IER3IP1: variants seen among roughly 807,000 people sequenced by gnomAD.
IER3IP1 encodes immediate early response 3 interacting protein 1, also known as immediate early response 3-interacting protein 1.
Under a neutral mutation model 12.2 loss-of-function variants are expected in IER3IP1, and 16 were observed. The observed-to-expected ratio is 1.31, with a 90% CI of 0.89 to 1.99. The LOEUF (loss-of-function observed/expected upper bound fraction) is 1.99, where lower values mean the gene tolerates loss of function less well. Ranked by LOEUF, IER3IP1 falls within the 30% of genes most tolerant of loss-of-function variation. The pLI, the probability that IER3IP1 is intolerant of heterozygous loss-of-function variation, is 0.00. For synonymous variants in IER3IP1, 42 were observed against 40.0 expected (o/e 1.05, Z -0.19); for missense variants, 95 against 95.8 (o/e 0.99, Z 0.03).
intron 1 of IER3IP1, among the ~76,000 whole-genome samples, chr18:47,169,734 T>C (rs1380561839): frequency 6.6e-6 from 1 of 152,168 alleles, no homozygotes; most frequent in East Asian, 1.9e-4. Context: ...TGCTTATTGA[T>C]CATTTGCTTA....
At chr18:47,160,253 C>T (rs1490202260) in intron 1 of IER3IP1, among the ~76,000 whole-genome samples, 1 of 152,062 alleles carries the variant, frequency 6.6e-6, no homozygotes, top group Admixed American at 6.6e-5. Context: ...TTTGGGTACC[C>T]AGAAATACAT....
rs1017413385 is a variant in IER3IP1, at chr18:47,152,930, A to G, written c.*3247T>C. On this transcript the variant is annotated 3_prime_UTR_variant, in exon 3 of 3. Coordinates refer to ENST00000256433, the MANE Select transcript of IER3IP1 (RefSeq NM_016097.5). ...AGTGATCTGGAAAAGATATATATATATATCTGGACCAGACTTCTGTTCTGA... is the reference window on the plus strand; with the variant it reads ...AGTGATCTGGAAAAGATATATATATGTATCTGGACCAGACTTCTGTTCTGA... The G allele has an allele frequency of 6.6e-6, 1 of 152,238 alleles. No individual in the cohort carries two copies. Among genetic ancestry groups the G allele is most frequent in the Non-Finnish European group, 1.5e-5 (1 of 68,036 alleles). The allele number at this position is 152,238 out of a possible 1,614,324, so 9.4% of individuals were successfully genotyped here.
chr18:47,161,131 GT>G (rs917427094), intron 1 of IER3IP1, among the ~76,000 whole-genome samples: 2 of 152,030 alleles, frequency 1.3e-5, no homozygotes, highest in African/African-American at 4.8e-5. Context: ...GAAGAGAACA[GT>G]TTTTTTAAAT....
At chr18:47,159,053 G>T (rs542500346) in intron 1 of IER3IP1, among the ~76,000 whole-genome samples, 23 of 152,230 alleles carry the variant, frequency 1.5e-4, no homozygotes, top group African/African-American at 4.8e-4. Context: ...CAAAAAAATA[G>T]GCAATGACAG....
Position 47,172,486 on chromosome 18 carries a change from T to C in IER3IP1, c.91+3701A>G, listed in dbSNP as rs1421899836. 6.6e-6 allele frequency among the ~76,000 whole-genome samples: 1 copy of C among 152,138 alleles called. No individual in the cohort carries two copies. The highest frequency in any genetic ancestry group is 1.5e-5 in the Non-Finnish European group (1 of 68,030). ...CTCCCCCTTAATCTTGGAGATACAC[T>C]TCAAGATTCCACAGTAGATGCCTGA... On this transcript the variant is annotated intron_variant, in intron 1 of 2. Coordinates refer to ENST00000256433, the MANE Select transcript of IER3IP1 (RefSeq NM_016097.5). This position sits in a 1 kb window ranked among gnomAD's most constrained non-coding sequence, Gnocchi z 4.0.
At chr18:47,158,466 C>T (rs952254477) in intron 1 of IER3IP1, among the ~76,000 whole-genome samples, 12 of 151,978 alleles carry the variant, frequency 7.9e-5, no homozygotes, top group South Asian at 4.1e-4. Context: ...CTCGGCCTCC[C>T]GAGTAGCTGG....
At position 47,176,280 on chromosome 18, in the gene IER3IP1, C is replaced by A. The variant is rs2064033732; in HGVS notation, c.-3G>T. ...AGTGAGTACAGGGTAAAGGCCATGG[C>A]CGTCCGAGGCCGCCCCGAAGTCCAA... On this transcript the variant is annotated 5_prime_UTR_variant, in exon 1 of 3. Transcript: ENST00000256433. The A allele has an allele frequency of 1.2e-6, 2 of 1,602,292 alleles. No individual in the cohort carries two copies. Among genetic ancestry groups the A allele is most frequent in the African/African-American group, 1.3e-5 (1 of 74,920 alleles).
intron 1 of IER3IP1, among the ~76,000 whole-genome samples, chr18:47,165,498 A>T (rs1206554999): frequency 6.6e-6 from 1 of 150,886 alleles, no homozygotes; most frequent in Non-Finnish European, 1.5e-5. Context: ...GGTTGCAGTG[A>T]GCTGAGATAG....
intron 1 of IER3IP1, among the ~76,000 whole-genome samples, chr18:47,163,805 C>T (rs2063987403): frequency 6.6e-6 from 1 of 152,162 alleles, no homozygotes; most frequent in Non-Finnish European, 1.5e-5. Flanking sequence ...ATTAGGTCTT[C>T]CTCCCCACAA....
At chr18:47,166,204 TATAAGAATA>T (rs1318640033) in intron 1 of IER3IP1, among the ~76,000 whole-genome samples, 1 of 152,220 alleles carries the variant, frequency 6.6e-6, no homozygotes, top group African/African-American at 2.4e-5. Context: ...CTAAATTATT[TATAAGAATA>T]CACATATCCC....
At chr18:47,165,262 A>C (rs1404760472) in intron 1 of IER3IP1, among the ~76,000 whole-genome samples, 1 of 152,214 alleles carries the variant, frequency 6.6e-6, no homozygotes, top group African/African-American at 2.4e-5. Context: ...TATCAGAAAG[A>C]TCAATGGTGG....
intron 1 of IER3IP1, among the ~76,000 whole-genome samples, chr18:47,163,652 A>C (rs1215185619): frequency 1.3e-5 from 2 of 152,200 alleles, no homozygotes; most frequent in Non-Finnish European, 2.9e-5. Flanking sequence ...TTTGCTTCTA[A>C]GGAATGGGGC....
chr18:47,156,790 G>GTTTTTTTTTTTT (rs34039061), intron 2 of IER3IP1: 1 of 102,914 alleles, frequency 9.7e-6, no homozygotes, highest in Non-Finnish European at 1.9e-5. Flanking sequence ...TTCTTTTCTG[G>GTTTTTTTTTTTT]TTTTTTTTTT....
intron 1 of IER3IP1, among the ~76,000 whole-genome samples, chr18:47,167,686 T>C (rs997683255): frequency 6.6e-6 from 1 of 152,220 alleles, no homozygotes; most frequent in Non-Finnish European, 1.5e-5. Flanking sequence ...CAATCAATAA[T>C]GTGAAGTTAA....
intron 1 of IER3IP1, among the ~76,000 whole-genome samples, chr18:47,164,085 A>G (rs1363546691): frequency 2.0e-5 from 3 of 152,326 alleles, no homozygotes; most frequent in East Asian, 1.9e-4. Context: ...ATCTGTTCCA[A>G]AAAATTGCTT....
At chr18:47,168,194 A>G (rs2064002967) in intron 1 of IER3IP1, among the ~76,000 whole-genome samples, 1 of 144,264 alleles carries the variant, frequency 6.9e-6, no homozygotes, top group African/African-American at 2.6e-5. Flanking sequence ...AATCCCAGCT[A>G]TTCGGCAGGC....
At chr18:47,167,137 G>C (rs1257872741) in intron 1 of IER3IP1, among the ~76,000 whole-genome samples, 1 of 151,794 alleles carries the variant, frequency 6.6e-6, no homozygotes, top group African/African-American at 2.4e-5. Flanking sequence ...TGCAACCTCT[G>C]CATCCTGGGC....
At chr18:47,173,595 T>C (rs1238916223) in intron 1 of IER3IP1, among the ~76,000 whole-genome samples, 4 of 152,180 alleles carry the variant, frequency 2.6e-5, no homozygotes, top group Non-Finnish European at 5.9e-5. Flanking sequence ...CTGCCCACCT[T>C]GGCCTCCTAA....
intron 1 of IER3IP1, among the ~76,000 whole-genome samples, chr18:47,163,358 G>A (rs1249615217): frequency 6.6e-6 from 1 of 152,216 alleles, no homozygotes; most frequent in African/African-American, 2.4e-5. Flanking sequence ...ATAGCACGGA[G>A]ATGCTGGACA....
Sources: gnomAD v4.1 joint callset for allele counts (sites outside exome capture counted in the v4.1 genomes callset) on GRCh38, gnomAD v4.1.1 for gene constraint, Gnocchi (gnomAD v3.1) non-coding constraint, MANE v1.5 for transcripts, NCBI Gene and HGNC (gene_info 2026-07-23, HGNC 2026-07-21) for gene names.